UNC5C: variants seen among roughly 807,000 people sequenced by gnomAD.
The protein encoded by UNC5C is netrin receptor UNC5C.
A neutral mutation model predicts 99.8 loss-of-function variants in UNC5C; 47 were observed. The ratio of observed to expected loss-of-function variants is 0.47; its 90% CI spans 0.37 to 0.60. The LOEUF (loss-of-function observed/expected upper bound fraction) is 0.60. Among genes scored for constraint, UNC5C ranks in the 20% least tolerant of loss-of-function variants. The pLI is 0.00. For synonymous variants in UNC5C, 487 were observed against 452.2 expected, an observed-to-expected ratio of 1.08 and a Z score of -0.98; for missense variants, 1,062 against 1,165.9, an observed-to-expected ratio of 0.91 and a Z score of 1.30.
chr4:95,205,203 G>T (rs2149361669), intron 11 of UNC5C, among the ~76,000 whole-genome samples: 1 of 152,272 alleles, frequency 6.6e-6, no homozygotes, highest in East Asian at 1.9e-4. Context: ...TCAGTTTATT[G>T]TTAATGTCGT....
chr4:95,185,347 T>TCTAACTAAA, intron 12 of UNC5C, 151 bp from the exon 13 acceptor site: 1 of 894,250 alleles, frequency 1.1e-6, no homozygotes, highest in East Asian at 2.5e-5. Flanking sequence ...CTCGAGACCC[T>TCTAACTAAA]CTAACTAAAC....
At chr4:95,502,138 G>C (rs562587834) in intron 1 of UNC5C, among the ~76,000 whole-genome samples, 2 of 152,288 alleles carry the variant, frequency 1.3e-5, no homozygotes, top group Non-Finnish European at 2.9e-5. Flanking sequence ...AGCATTTACA[G>C]TTGGTCTTTT....
At position 95,519,186 on chromosome 4, in the gene UNC5C, T is replaced by C. The variant is rs958672521; in HGVS notation, c.124+29548A>G. ...TGAGTAGTCTGCTAAACTGCAAGCA[T>C]GGGTTAAGAAAAAAAATTCTAGGGG... On this transcript the variant is annotated intron_variant, in intron 1 of 15. Coordinates refer to ENST00000453304, the MANE Select transcript of UNC5C (RefSeq NM_003728.4). Among the ~76,000 whole-genome samples, 13 of 152,046 alleles carry C rather than the reference T, an allele frequency of 8.6e-5. No homozygotes were observed. In the South Asian group the frequency reaches 1.9e-3, roughly 22 times the overall value.
At chr4:95,489,158 G>A (rs1474077226) in intron 1 of UNC5C, among the ~76,000 whole-genome samples, 2 of 150,708 alleles carry the variant, frequency 1.3e-5, no homozygotes, top group East Asian at 4.0e-4. Flanking sequence ...AGGAAGGAAG[G>A]AAGGAAGGAA....
At chr4:95,284,279 T>C (rs943507555) in intron 3 of UNC5C, among the ~76,000 whole-genome samples, 4 of 152,208 alleles carry the variant, frequency 2.6e-5, no homozygotes, top group African/African-American at 9.7e-5. Context: ...TGGCCTTCAG[T>C]TTCCATATTT....
chr4:95,525,610 A>T (rs1722479686), intron 1 of UNC5C, among the ~76,000 whole-genome samples: 1 of 151,034 alleles, frequency 6.6e-6, no homozygotes, highest in South Asian at 2.1e-4. Flanking sequence ...AAAAAAAAAA[A>T]AAAAAAAAGA....
chr4:95,452,892 T>C (rs1747317051), intron 1 of UNC5C, among the ~76,000 whole-genome samples: 1 of 152,162 alleles, frequency 6.6e-6, no homozygotes, highest in East Asian at 1.9e-4. Flanking sequence ...GCTTATCTTA[T>C]CCATTGCTGA....
chr4:95,371,262 C>T lies in UNC5C; in HGVS notation c.125-35631G>A, dbSNP rs116085044. On this transcript the variant is annotated intron_variant, in intron 1 of 15. Transcript: ENST00000453304. Reference sequence around the variant, plus strand: ...CATAGGTTATATCTTGACAGAAAAACGGACATGAAATAAAAAGAAACATAA... The same window carrying T: ...CATAGGTTATATCTTGACAGAAAAATGGACATGAAATAAAAAGAAACATAA... Among the ~76,000 whole-genome samples, 1,276 of 152,016 alleles carry T rather than the reference C, an allele frequency of 8.4e-3. 8 individuals are homozygous for T. The highest frequency in any genetic ancestry group is 0.014 in the Middle Eastern group (4 of 294).
intron 7 of UNC5C, among the ~76,000 whole-genome samples, chr4:95,236,783 C>T (rs1398648265): frequency 7.2e-5 from 11 of 152,088 alleles, no homozygotes; most frequent in East Asian, 5.8e-4. Flanking sequence ...AATATTTTAG[C>T]GGACATCATA....
chr4:95,505,258 CA>C (rs1560487302), intron 1 of UNC5C, among the ~76,000 whole-genome samples: 1 of 152,042 alleles, frequency 6.6e-6, no homozygotes, highest in Non-Finnish European at 1.5e-5. Context: ...ACTAGGCAAA[CA>C]AGAGGCCAAT....
rs368760408 is a variant in UNC5C, at chr4:95,296,909, A to G, written c.490+4697T>C. On this transcript the variant is annotated intron_variant, in intron 3 of 15. Transcript: ENST00000453304. Reference sequence around the variant, plus strand: ...GTGGCAGTGGATGTTGTGGTATGCTACCAGGATCCCCTTTCAGGCCTGGTC... The same window carrying G: ...GTGGCAGTGGATGTTGTGGTATGCTGCCAGGATCCCCTTTCAGGCCTGGTC... 1.6e-4 allele frequency among the ~76,000 whole-genome samples: 25 copies of G among 152,318 alleles called. No homozygotes were observed. In the South Asian group the frequency reaches 4.6e-3, roughly 28 times the overall value.
At chr4:95,325,088 C>T (rs938500991) in intron 2 of UNC5C, among the ~76,000 whole-genome samples, 4 of 152,078 alleles carry the variant, frequency 2.6e-5, no homozygotes, top group African/African-American at 9.7e-5. Context: ...AGAGGAAAAA[C>T]CATATCGGCT....
chr4:95,236,889 A>G (rs890795108), intron 7 of UNC5C, among the ~76,000 whole-genome samples: 1 of 152,176 alleles, frequency 6.6e-6, no homozygotes, highest in Non-Finnish European at 1.5e-5. Context: ...AACAAAGAAT[A>G]TAGACATAGT....
At chr4:95,333,949 T>C (rs1743227879) in intron 2 of UNC5C, among the ~76,000 whole-genome samples, 1 of 152,040 alleles carries the variant, frequency 6.6e-6, no homozygotes, top group African/African-American at 2.4e-5. Context: ...AGTTATTTTC[T>C]GAGTAATTAG....
In UNC5C at chr4:95,169,135, A is replaced by G. The variant is rs1479349377; in HGVS notation, c.*99T>C. ...TGCTGCAGTCTTGCCTGTGAAGTGC[A>G]TTGGTCTCATCTGGATTTCCTCCTC... On this transcript the variant is annotated 3_prime_UTR_variant, in exon 16 of 16. Coordinates refer to ENST00000453304, the MANE Select transcript of UNC5C (RefSeq NM_003728.4). The G allele has an allele frequency of 1.3e-6, 2 of 1,483,870 alleles. No individual in the cohort carries two copies. The highest frequency in any genetic ancestry group is 2.3e-5 in the East Asian group (1 of 43,924). 91.9% of individuals were successfully genotyped at this position (1,483,870 alleles called of 1,614,324 possible). A position where few individuals can be genotyped will look rare whatever the true frequency, so the allele number is the denominator to read the frequency against.
At chr4:95,283,540 A>G (rs1241470296) in intron 3 of UNC5C, among the ~76,000 whole-genome samples, 2 of 152,238 alleles carry the variant, frequency 1.3e-5, no homozygotes, top group African/African-American at 4.8e-5. Context: ...GGGAGGGTAG[A>G]TAAGATTTTA....
intron 1 of UNC5C, among the ~76,000 whole-genome samples, chr4:95,459,038 G>T (rs1409002143): frequency 6.6e-6 from 1 of 152,010 alleles, no homozygotes; most frequent in African/African-American, 2.4e-5. Flanking sequence ...AGTATCTTTT[G>T]ATTTACACCC....
chr4:95,226,089 A>G (rs1450424924), intron 7 of UNC5C, among the ~76,000 whole-genome samples: 1 of 152,248 alleles, frequency 6.6e-6, no homozygotes, highest in Non-Finnish European at 1.5e-5. Context: ...AATGAAAAAT[A>G]ACATCTCCGG....
chr4:95,392,096 G>A (rs896474063), intron 1 of UNC5C, among the ~76,000 whole-genome samples: 4 of 152,092 alleles, frequency 2.6e-5, no homozygotes, highest in African/African-American at 9.7e-5. Context: ...TTTTAATGTA[G>A]GTTGAAAAAC....
Sources: allele counts gnomAD v4.1 joint callset (sites outside exome capture counted in the v4.1 genomes callset), GRCh38; gene constraint gnomAD v4.1.1; transcripts MANE v1.5; gene names NCBI Gene and HGNC (gene_info 2026-07-23, HGNC 2026-07-21).